The following C3 variants were observed in gnomAD, a reference collection of about 807,000 sequenced individuals.
C3 encodes complement C3, also known as C3 and PZP-like alpha-2-macroglobulin domain-containing protein 1.
A neutral mutation model predicts 207.9 loss-of-function variants in C3; 97 were observed. The ratio of observed to expected loss-of-function variants is 0.47; its 90% CI spans 0.40 to 0.55. C3 has a LOEUF of 0.55. Ranked by LOEUF, C3 falls within the 20% of genes least tolerant of loss-of-function variation. The pLI, the probability that C3 is intolerant of heterozygous loss-of-function variation, is 0.00. For synonymous variants in C3, 848 were observed against 857.6 expected (o/e 0.99, Z 0.20); for missense variants, 1,684 against 2,171.7 (o/e 0.78, Z 4.46).
chr19:6,707,297 G>T, intron 16 of C3, 24 bp from the exon 17 acceptor site: 1 of 1,604,612 alleles, frequency 6.2e-7, no homozygotes, highest in South Asian at 1.1e-5. Context: ...TGTTCCCCCA[G>T]GCCACACCCT....
intron 27 of C3, among the ~76,000 whole-genome samples, chr19:6,689,054 T>C (rs11085192): frequency 0.43 from 64,656 of 152,080 alleles, 14,611 homozygotes; most frequent in Middle Eastern, 0.52. Context: ...CAAAGCATCC[T>C]GGCAGAGTCC....
intron 27 of C3, among the ~76,000 whole-genome samples, chr19:6,687,778 C>A (rs1335515124): frequency 6.6e-6 from 1 of 152,066 alleles, no homozygotes; most frequent in Non-Finnish European, 1.5e-5. Context: ...GTGTTTCTAA[C>A]CTTTGTGTTT....
chr19:6,713,598 G>GC, intron 7 of C3, 89 bp from the exon 8 acceptor site: 2 of 1,039,982 alleles, frequency 1.9e-6, no homozygotes. Context: ...GAAGACTGGA[G>GC]CCCCCAACCC....
At chr19:6,681,319 C>T in intron 35 of C3, among the ~76,000 whole-genome samples, 1 of 122,560 alleles carries the variant, frequency 8.2e-6, no homozygotes, top group Admixed American at 1.0e-4. Flanking sequence ...TCATGTAAGC[C>T]TGGGAGGTCA....
Position 6,707,507 on chromosome 19 carries a change from C to A in C3, c.2006G>T (p.Arg669Leu), listed in dbSNP as rs1228232118. Reference protein sequence around the residue: ...ELQCPQPAARRRRSVQLTEKR... With the variant: ...ELQCPQPAARLRRSVQLTEKR... ...CTCCGTGAGCTGCACGGAACGGCGT[C>A]GGCGGGCGGCTGGCTGCGGGCACTG... The change falls in exon 16 of 41, where the codon CGA becomes CTA. Residue 669 changes from arginine (R) to leucine (L), a missense_variant. Arg to Leu is a moderately radical substitution (Grantham distance 102, BLOSUM62 -2). Coordinates refer to ENST00000245907, the MANE Select transcript of C3 (RefSeq NM_000064.4). 1 of 1,614,046 alleles carries A rather than the reference C, an allele frequency of 6.2e-7. No individual in the cohort carries two copies.
chr19:6,711,999 C>T (rs148023019), intron 11 of C3, among the ~76,000 whole-genome samples: 2 of 152,160 alleles, frequency 1.3e-5, no homozygotes, highest in African/African-American at 2.4e-5. Flanking sequence ...GACGGCAGGA[C>T]CCCACTGTGC....
At chr19:6,715,619 G>C (rs1461057343) in intron 4 of C3, among the ~76,000 whole-genome samples, 3 of 71,308 alleles carry the variant, frequency 4.2e-5, no homozygotes, top group African/African-American at 1.6e-4. Flanking sequence ...TTTTTTTTTT[G>C]TTTTTTTTGT....
chr19:6,692,890 C>T (rs1282847890), intron 26 of C3, 34 bp downstream of exon 26: 1 of 1,611,896 alleles, frequency 6.2e-7, no homozygotes, highest in East Asian at 2.2e-5. Context: ...AGGAGCCCCT[C>T]TCTTCCATTT....
chr19:6,685,403 G>C (rs1917979324), intron 29 of C3, among the ~76,000 whole-genome samples: 1 of 152,158 alleles, frequency 6.6e-6, no homozygotes, highest in Admixed American at 6.5e-5. Context: ...CCAAATGTAA[G>C]ACTGAATGTC....
intron 19 of C3, among the ~76,000 whole-genome samples, chr19:6,699,044 C>T (rs994034562): frequency 2.0e-5 from 3 of 152,228 alleles, no homozygotes; most frequent in South Asian, 2.1e-4. Context: ...GATCTGCCTG[C>T]CTGGGCCTCC....
intron 23 of C3, among the ~76,000 whole-genome samples, chr19:6,695,268 CAAA>C (rs59296902): frequency 1.9e-5 from 2 of 107,206 alleles, no homozygotes; most frequent in Non-Finnish European, 2.1e-5. Context: ...GACTCCGCCT[CAAA>C]AAAAAAAAAA....
At chr19:6,706,654 T>A (rs1353833490) in intron 17 of C3, among the ~76,000 whole-genome samples, 2 of 107,900 alleles carry the variant, frequency 1.9e-5, no homozygotes, top group Non-Finnish European at 3.9e-5. Context: ...AGAGGCCTCC[T>A]CCCTCCTCAG....
chr19:6,683,297 A>T (rs1465600519), intron 33 of C3: 1 of 151,990 alleles, frequency 6.6e-6, no homozygotes, highest in Non-Finnish European at 1.5e-5. Context: ...TTTTGAACTA[A>T]AGTACTCTCC....
intron 26 of C3, among the ~76,000 whole-genome samples, chr19:6,691,099 G>T (rs1309288483): frequency 1.3e-5 from 2 of 148,642 alleles, no homozygotes; most frequent in Non-Finnish European, 3.0e-5. Flanking sequence ...TGTTGCCCAG[G>T]CTGGAGTGCA....
In C3 at chr19:6,686,182, G is replaced by C. The variant is rs149007163; in HGVS notation, c.3752C>G (p.Pro1251Arg). 1 of 1,614,148 alleles carries C rather than the reference G, an allele frequency of 6.2e-7. No homozygotes were observed. Among genetic ancestry groups the C allele is most frequent in the South Asian group, 1.1e-5 (1 of 91,084 alleles). Residue 1251 changes from proline (P) to arginine (R), a missense_variant, in exon 29 of 41, where the codon CCC becomes CGC. By Grantham distance (103) the Pro-to-Arg change is moderately radical. Transcript: ENST00000245907. ...CTGTTCATTGAGCCAACGCACGACG[G>C]GAGGCACAAAGTCAAAGTCTTTTAG... The part of the protein sequence containing the change: ...LQLKDFDFVP[P>R]VVRWLNEQRY...
At chr19:6,692,331 T>G (rs1007928575) in intron 26 of C3, among the ~76,000 whole-genome samples, 6 of 152,128 alleles carry the variant, frequency 3.9e-5, no homozygotes, top group African/African-American at 1.4e-4. Context: ...GGATCACACT[T>G]CGAGAACCAG....
chr19:6,702,018 G>T, intron 19 of C3, 109 bp downstream of exon 19: 2 of 741,230 alleles, frequency 2.7e-6, no homozygotes, highest in Non-Finnish European at 4.9e-6. Flanking sequence ...CCAGGGCAGA[G>T]AATAAAGTGC....
intron 4 of C3, 88 bp downstream of exon 4, chr19:6,718,006 C>T (rs1167458710): frequency 4.6e-6 from 6 of 1,306,090 alleles, no homozygotes; most frequent in South Asian, 1.2e-5. Flanking sequence ...TGCACCCCTT[C>T]CGGTGTGTCT....
chr19:6,687,344 T>A (rs1035850133), intron 27 of C3, among the ~76,000 whole-genome samples: 2 of 152,168 alleles, frequency 1.3e-5, no homozygotes, highest in Non-Finnish European at 2.9e-5. Flanking sequence ...GAACACCTCA[T>A]CCAGTCATCA....
Sources: gnomAD v4.1 joint callset for allele counts (sites outside exome capture counted in the v4.1 genomes callset) on GRCh38, gnomAD v4.1.1 for gene constraint, MANE v1.5 for transcripts, NCBI Gene and HGNC (gene_info 2026-07-23, HGNC 2026-07-21) for gene names.